LINGO1: variants seen among roughly 807,000 people sequenced by gnomAD.
LINGO1 encodes the protein leucine rich repeat and Ig domain containing 1, also known as leucine-rich repeat and immunoglobulin-like domain-containing nogo receptor-interacting protein 1.
In LINGO1, 11 loss-of-function variants were observed where a neutral mutation model predicts 37.3. The ratio of observed to expected loss-of-function variants is 0.29; its 90% CI spans 0.19 to 0.49. The LOEUF (loss-of-function observed/expected upper bound fraction) is 0.49. LINGO1 is among the 20% of genes least tolerant of loss of function. The probability of loss-of-function intolerance (pLI) is 0.99; values close to 1 mark genes in which losing one functional copy is unlikely to be tolerated. For missense variants in LINGO1, 585 were observed against 878.2 expected, an observed-to-expected ratio of 0.67 and a Z score of 4.22; for synonymous variants, 387 against 403.0, an observed-to-expected ratio of 0.96 and a Z score of 0.48.
intron 3 of LINGO1, among the ~76,000 whole-genome samples, chr15:77,662,893 G>GGGTTGT (rs1359540476): frequency 6.6e-6 from 1 of 152,150 alleles, no homozygotes; most frequent in Admixed American, 6.5e-5. Context: ...CACACTCCCT[G>GGGTTGT]GGCTGGGAAA....
chr15:77,713,210 TTG>T (rs57831674), intron 2 of LINGO1, among the ~76,000 whole-genome samples: 11,137 of 123,548 alleles, frequency 0.09, 463 homozygotes, highest in Middle Eastern at 0.19. Context: ...GCCCAGCTAA[TTG>T]TGTGTGTGTG....
Position 77,762,950 on chromosome 15 carries a change from T to C in LINGO1, c.-257+23919A>G, listed in dbSNP as rs377221609. 4.1e-3 allele frequency among the ~76,000 whole-genome samples: 623 copies of C among 152,342 alleles called. 3 individuals carry two copies. The highest frequency in any genetic ancestry group is 0.02 in the South Asian group (95 of 4,828). On this transcript the variant is annotated intron_variant, in intron 1 of 3. Coordinates refer to the LINGO1 transcript ENST00000561686. ...GTCACCCCAGCACCAGCTCCAGGACTGTGCCTGGCACGTAGTAGGTGCTTA... is the reference window on the plus strand; with the variant it reads ...GTCACCCCAGCACCAGCTCCAGGACCGTGCCTGGCACGTAGTAGGTGCTTA...
chr15:77,690,918 G>A (rs1287074219), intron 1 of LINGO1: 1 of 152,330 alleles, frequency 6.6e-6, no homozygotes, highest in Non-Finnish European at 1.5e-5. Context: ...AGGAAGAGAA[G>A]CAAGAGTGAG....
intron 2 of LINGO1, among the ~76,000 whole-genome samples, chr15:77,731,951 C>T (rs571354032): frequency 1.8e-4 from 27 of 152,278 alleles, no homozygotes; most frequent in African/African-American, 6.3e-4. Flanking sequence ...TACAGGAACC[C>T]GAATGTCACT....
chr15:77,769,718 T>C (rs1041034547), intron 1 of LINGO1, among the ~76,000 whole-genome samples: 1 of 152,132 alleles, frequency 6.6e-6, no homozygotes, highest in Non-Finnish European at 1.5e-5. Flanking sequence ...GCTGTTTATC[T>C]ACTCACCTCA....
chr15:77,780,860 C>A (rs903395351), intron 1 of LINGO1, among the ~76,000 whole-genome samples: 2 of 152,034 alleles, frequency 1.3e-5, no homozygotes, highest in African/African-American at 4.8e-5. Context: ...CCGACCATGC[C>A]GGCACCCTGA....
At chr15:77,766,888 A>T (rs4886905) in intron 1 of LINGO1, among the ~76,000 whole-genome samples, 138,530 of 152,126 alleles carry the variant, frequency 0.91, 63,523 homozygotes, top group Non-Finnish European at 0.96. Flanking sequence ...CAGAATTTTT[A>T]AAAAAAAATC....
chr15:77,767,726 A>AT, intron 1 of LINGO1, among the ~76,000 whole-genome samples: 1 of 152,138 alleles, frequency 6.6e-6, no homozygotes, highest in African/African-American at 2.4e-5. Flanking sequence ...CGAATTAGTG[A>AT]TTTTCAAAAA....
intron 3 of LINGO1, among the ~76,000 whole-genome samples, chr15:77,658,823 C>A (rs185000984): frequency 2.0e-4 from 31 of 152,146 alleles, no homozygotes; most frequent in Admixed American, 2.0e-3. Context: ...TGGGGGGCAA[C>A]AGAGGAGCTA....
At chr15:77,789,428 GA>G (rs554400531), upstream of LINGO1, among the ~76,000 whole-genome samples, 95 of 152,212 alleles carry the variant, frequency 6.2e-4, no homozygotes, top group African/African-American at 2.1e-3. Context: ...TCAACATGGT[GA>G]AACCCCATCT....
rs1595989663 is a variant in LINGO1 at position 77,620,389 on chromosome 15, C to G, written c.7-4489G>C. On this transcript the variant is annotated intron_variant, in intron 1 of 1. Transcript: ENST00000355300. The stretch of plus-strand genomic sequence containing the variant: ...CAGTGGGGGACACTGAGCCATCAGA[C>G]CAGCACTGCAGAGGGCAGGTCCTAG... Among the ~76,000 whole-genome samples the G allele has an allele frequency of 5.9e-5, 9 of 152,362 alleles. 1 individual carries two copies. In the South Asian group the frequency reaches 1.9e-3, roughly 32 times the overall value.
At chr15:77,685,130 G>A (rs1024242862) in intron 2 of LINGO1, among the ~76,000 whole-genome samples, 3 of 150,178 alleles carry the variant, frequency 2.0e-5, no homozygotes, top group Non-Finnish European at 3.0e-5. Context: ...GGTTGTGGCT[G>A]GAGCAAGGTG....
chr15:77,761,662 G>A (rs534264708), intron 1 of LINGO1, among the ~76,000 whole-genome samples: 34 of 152,342 alleles, frequency 2.2e-4, no homozygotes, highest in Middle Eastern at 3.4e-3. Flanking sequence ...TCAAAGGAGA[G>A]ATTCTGACAG....
upstream of LINGO1, among the ~76,000 whole-genome samples, chr15:77,789,828 C>T (rs1033790853): frequency 2.0e-5 from 3 of 152,054 alleles, no homozygotes; most frequent in Non-Finnish European, 2.9e-5. Flanking sequence ...GCTCTTCACC[C>T]AGGCTGGAGT....
At chr15:77,742,076 G>T (rs1413701516) in intron 1 of LINGO1, among the ~76,000 whole-genome samples, 1 of 152,180 alleles carries the variant, frequency 6.6e-6, no homozygotes, top group East Asian at 1.9e-4. Context: ...AAGCAGGGCG[G>T]GGCCTACTGC....
intron 3 of LINGO1, among the ~76,000 whole-genome samples, chr15:77,668,664 G>C (rs2075186016): frequency 6.6e-6 from 1 of 152,030 alleles, no homozygotes; most frequent in African/African-American, 2.4e-5. Flanking sequence ...GCAGAGACTA[G>C]AAATAGGCAA....
Position 77,674,892 on chromosome 15 carries a change from C to T in LINGO1, c.-13+2197G>A, listed in dbSNP as rs139109567. Among the ~76,000 whole-genome samples the T allele has an allele frequency of 2.0e-3, 302 of 152,132 alleles. 2 individuals carry two copies. Among genetic ancestry groups the T allele is most frequent in the South Asian group, 0.015 (71 of 4,814 alleles). ...AGGTATATTTCGTGAGTTTTGTTCACTGTTCGGTCCCTAACCAAAACAATG... is the reference window on the plus strand; with the variant it reads ...AGGTATATTTCGTGAGTTTTGTTCATTGTTCGGTCCCTAACCAAAACAATG... On this transcript the variant is annotated intron_variant, in intron 3 of 3. Coordinates refer to the LINGO1 transcript ENST00000559893.
At chr15:77,618,345 C>A (rs894454475) in intron 1 of LINGO1, among the ~76,000 whole-genome samples, 2 of 152,190 alleles carry the variant, frequency 1.3e-5, no homozygotes, top group Admixed American at 1.3e-4. Context: ...CTGAGCAAAG[C>A]CACCTGGGCC....
rs78071751 is a variant in LINGO1 at position 77,655,428 on chromosome 15, C to T, written c.-13+21661G>A. Among the ~76,000 whole-genome samples the T allele has an allele frequency of 8.9e-3, 1,356 of 152,222 alleles. 28 individuals carry two copies. The highest frequency in any genetic ancestry group is 0.03 in the African/African-American group (1,264 of 41,528). ...ATAGCCCCTCCCTACAATGCCACCT[C>T]CCCAAACATAGACACGCTGGGTCCT... On this transcript the variant is annotated intron_variant, in intron 3 of 3. Coordinates refer to the LINGO1 transcript ENST00000559893.
Sources: allele counts gnomAD v4.1 joint callset (sites outside exome capture counted in the v4.1 genomes callset), GRCh38; gene constraint gnomAD v4.1.1; transcripts MANE v1.5; gene names NCBI Gene and HGNC (gene_info 2026-07-23, HGNC 2026-07-21).